Variants in CSRNP3 observed in about 807,000 individuals in gnomAD.
CSRNP3 encodes the protein cysteine/serine-rich nuclear protein 3.
CSRNP3 carries 12 observed loss-of-function variants against 48.0 expected under a neutral mutation model. The ratio of observed to expected loss-of-function variants is 0.25; its 90% CI spans 0.16 to 0.41. The LOEUF is 0.41. Among genes scored for constraint, CSRNP3 ranks in the 10% least tolerant of loss-of-function variants. CSRNP3 has a pLI of 1.00. For synonymous variants in CSRNP3, 263 were observed against 269.7 expected, an observed-to-expected ratio of 0.98 and a Z score of 0.24; for missense variants, 580 against 724.4, an observed-to-expected ratio of 0.80 and a Z score of 2.29.
chr2:165,614,689 G>T (rs139284633), intron 4 of CSRNP3, among the ~76,000 whole-genome samples: 5 of 152,036 alleles, frequency 3.3e-5, no homozygotes, highest in Non-Finnish European at 5.9e-5. Context: ...AGATAATAAC[G>T]TGGTTTTGGC....
chr2:165,560,280 G>A (rs1685216045), intron 3 of CSRNP3, among the ~76,000 whole-genome samples: 1 of 152,100 alleles, frequency 6.6e-6, no homozygotes, highest in African/African-American at 2.4e-5. Context: ...AATGTAAATA[G>A]TATAGATATA....
chr2:165,474,444 A>C (rs1016642052), intron 1 of CSRNP3, among the ~76,000 whole-genome samples: 4 of 152,106 alleles, frequency 2.6e-5, no homozygotes. Flanking sequence ...TCTTTAAACA[A>C]TATTTACTAT....
At chr2:165,545,146 A>G (rs1322059464) in intron 3 of CSRNP3, among the ~76,000 whole-genome samples, 1 of 152,196 alleles carries the variant, frequency 6.6e-6, no homozygotes, top group Non-Finnish European at 1.5e-5. Context: ...GGTGGTGTTG[A>G]CAAGCATAGT....
In CSRNP3 at chr2:165,657,778, A is replaced by C; in HGVS notation, c.166A>C (p.Arg56=). The C allele has an allele frequency of 1.2e-6, 2 of 1,613,546 alleles. No individual in the cohort carries two copies. The highest frequency in any genetic ancestry group is 1.7e-6 in the Non-Finnish European group (2 of 1,179,528). Residue 56 remains arginine, a synonymous_variant, in exon 5 of 7, where the codon AGG becomes CGG. Transcript: ENST00000651982. Reference sequence around the variant, plus strand: ...TCTTTCAGCTTCCTCCATTCTCAAAAGGGAGAAACGACTGAGGACAAAGAA... The same window carrying C: ...TCTTTCAGCTTCCTCCATTCTCAAACGGGAGAAACGACTGAGGACAAAGAA... The part of the protein sequence containing the change: ...SHFTPSSILK[R]EKRLRTKNVH...
chr2:165,671,175 A>G (rs1224278554), intron 5 of CSRNP3, among the ~76,000 whole-genome samples: 16 of 152,220 alleles, frequency 1.1e-4, no homozygotes, highest in Non-Finnish European at 1.5e-5. Flanking sequence ...GTTACAATTA[A>G]TTTAAGCTTC....
In CSRNP3 at chr2:165,685,226, C is replaced by T. The variant is rs1201076379; in HGVS notation, c.*5473C>T. ...ATTCAACGTGAGTCCTTAAAACAGTCACTTCTAAATTTTATTTTGACTCCT... is the reference window on the plus strand; with the variant it reads ...ATTCAACGTGAGTCCTTAAAACAGTTACTTCTAAATTTTATTTTGACTCCT... On this transcript the variant is annotated 3_prime_UTR_variant, in exon 7 of 7. Transcript: ENST00000651982. 1 of 152,088 alleles carries T rather than the reference C, an allele frequency of 6.6e-6. No individual in the cohort carries two copies. Among genetic ancestry groups the T allele is most frequent in the Non-Finnish European group, 1.5e-5 (1 of 67,990 alleles). The allele number at this position is 152,088 out of a possible 1,614,324, so 9.4% of individuals were successfully genotyped here. A position where few individuals can be genotyped will look rare whatever the true frequency, so the allele number is the denominator to read the frequency against.
intron 5 of CSRNP3, among the ~76,000 whole-genome samples, chr2:165,663,670 A>G (rs1280503440): frequency 6.6e-6 from 1 of 152,218 alleles, no homozygotes; most frequent in South Asian, 2.1e-4. Context: ...TAGGGAAGTC[A>G]ATTGCACTGA....
chr2:165,676,617 T>A lies in CSRNP3; in HGVS notation c.705+9T>A. The stretch of plus-strand genomic sequence containing the variant: ...CTGGCATTAAGTGCCAGGTAAGGGT[T>A]GGGAATTCAGGGCATCCAAAGACAA... On this transcript the variant is annotated intron_variant, in intron 6 of 6. Coordinates refer to ENST00000651982, the MANE Select transcript of CSRNP3 (RefSeq NM_001172173.2). 1 of 1,609,582 alleles carries A rather than the reference T, an allele frequency of 6.2e-7. No individual in the cohort carries two copies. Among genetic ancestry groups the A allele is most frequent in the Non-Finnish European group, 8.5e-7 (1 of 1,176,344 alleles).
intron 3 of CSRNP3, among the ~76,000 whole-genome samples, chr2:165,525,558 C>T (rs1180004318): frequency 6.7e-6 from 1 of 148,708 alleles, no homozygotes; most frequent in African/African-American, 2.5e-5. Flanking sequence ...GCGATCTAGG[C>T]TGACTGTAAA....
intron 3 of CSRNP3, among the ~76,000 whole-genome samples, chr2:165,539,468 C>T (rs1684925012): frequency 6.6e-6 from 1 of 151,984 alleles, no homozygotes; most frequent in Non-Finnish European, 1.5e-5. Flanking sequence ...TGATTATTTT[C>T]CCCTAATGGC....
At chr2:165,470,135 A>T (rs1683873153) in intron 1 of CSRNP3, among the ~76,000 whole-genome samples, 1 of 152,120 alleles carries the variant, frequency 6.6e-6, no homozygotes, top group South Asian at 2.1e-4. Context: ...GAGAAAATGG[A>T]GCCTTCTGTG....
intron 3 of CSRNP3, among the ~76,000 whole-genome samples, chr2:165,590,375 G>C (rs1351626423): frequency 1.3e-5 from 2 of 152,212 alleles, no homozygotes; most frequent in Non-Finnish European, 2.9e-5. Context: ...GTGAATGTTT[G>C]CTTCTTGAGG....
chr2:165,529,071 C>G (rs1206623576), intron 3 of CSRNP3, among the ~76,000 whole-genome samples: 2 of 152,208 alleles, frequency 1.3e-5, no homozygotes, highest in Non-Finnish European at 2.9e-5. Context: ...CAGGAAGGCC[C>G]CCCTGCCCTC....
chr2:165,638,129 T>G (rs1265558691), intron 4 of CSRNP3, among the ~76,000 whole-genome samples: 2 of 152,236 alleles, frequency 1.3e-5, no homozygotes, highest in African/African-American at 4.8e-5. Context: ...CAATATTTCA[T>G]TATTATATTT....
chr2:165,506,469 T>G (rs1216956116), intron 2 of CSRNP3, among the ~76,000 whole-genome samples: 2 of 152,072 alleles, frequency 1.3e-5, no homozygotes, highest in Non-Finnish European at 2.9e-5. Flanking sequence ...CATCTTCTCA[T>G]GATTCAGGCC....
At chr2:165,620,650 G>A (rs1412778270) in intron 4 of CSRNP3, among the ~76,000 whole-genome samples, 2 of 152,068 alleles carry the variant, frequency 1.3e-5, no homozygotes, top group African/African-American at 4.8e-5. Context: ...TTTTGTGGCT[G>A]ATTTTCCATT....
At chr2:165,532,963 G>T (rs1477329193) in intron 3 of CSRNP3, among the ~76,000 whole-genome samples, 1 of 152,040 alleles carries the variant, frequency 6.6e-6, no homozygotes, top group Admixed American at 6.6e-5. Flanking sequence ...ATTCACAATT[G>T]CTTCAAAGAG....
At chr2:165,528,981 G>A (rs1684775758) in intron 3 of CSRNP3, among the ~76,000 whole-genome samples, 1 of 152,154 alleles carries the variant, frequency 6.6e-6, no homozygotes, top group South Asian at 2.1e-4. Flanking sequence ...AGAGCAGGGG[G>A]GAGCCCTGCC....
chr2:165,624,765 A>G (rs754438996), intron 4 of CSRNP3, among the ~76,000 whole-genome samples: 5 of 151,852 alleles, frequency 3.3e-5, no homozygotes, highest in Non-Finnish European at 5.9e-5. Flanking sequence ...TCCTTTATTT[A>G]TTCTTTCACT....
Sources: allele counts gnomAD v4.1 joint callset (sites outside exome capture counted in the v4.1 genomes callset), GRCh38; gene constraint gnomAD v4.1.1; transcripts MANE v1.5; gene names NCBI Gene and HGNC (gene_info 2026-07-23, HGNC 2026-07-21).